The following SLC38A8 variants were observed in gnomAD, a reference collection of about 807,000 sequenced individuals.
SLC38A8 encodes the protein amino acid transporter SLC38A8.
A neutral mutation model predicts 46.0 loss-of-function variants in SLC38A8; 65 were observed. The observed-to-expected ratio is 1.41, with a 90% CI of 1.16 to 1.74. SLC38A8 has a LOEUF of 1.74. Among genes scored for constraint, SLC38A8 ranks in the 40% most tolerant of loss-of-function variants. SLC38A8 has a pLI of 0.00. For missense variants in SLC38A8, 998 were observed against 567.9 expected (o/e 1.76, Z -7.70); for synonymous variants, 447 against 243.7 (o/e 1.83, Z -7.77).
At chr16:84,028,494 G>C (rs527255360) in intron 6 of SLC38A8, among the ~76,000 whole-genome samples, 145 of 151,718 alleles carry the variant, frequency 9.6e-4, no homozygotes, top group African/African-American at 3.2e-3. Flanking sequence ...CTTGAACCCA[G>C]GAGGTGCAGT....
chr16:84,028,951 C>A (rs576204581), intron 6 of SLC38A8, among the ~76,000 whole-genome samples: 13 of 152,262 alleles, frequency 8.5e-5, no homozygotes, highest in Non-Finnish European at 1.8e-4. Context: ...GCCCCGTCCT[C>A]CCTCCCATGA....
At position 84,033,348 on chromosome 16, in the gene SLC38A8, G is replaced by A. The variant is rs142587413; in HGVS notation, c.510C>T (p.Ile170=). 20 of 1,613,928 alleles carry A rather than the reference G, an allele frequency of 1.2e-5. No homozygotes were observed. The highest frequency in any genetic ancestry group is 2.7e-5 in the African/African-American group (2 of 74,888). The change falls in exon 4 of 11, where the codon ATC becomes ATT. Residue 170 remains isoleucine, a synonymous_variant. Transcript: ENST00000299709. ...CTTACCTTGTGTATTTCTGGAAGGC[G>A]ATCTCCCGCGGGGCAGACAGGGGCA... The part of the protein sequence containing the change: ...VILPLSAPRE[I]AFQKYTSILG...
rs1159473380 is a variant in SLC38A8, at chr16:84,016,622, C to T, written c.1059G>A (p.Leu353=). The part of the protein sequence containing the change: ...GLWVRMPLTI[L]WVTVTLAMAL... Reference sequence around the variant, plus strand: ...CCATGGCGAGCGTCACGGTGACCCACAGGATGGTCAGCGGCATCCGGACCC... The same window carrying T: ...CCATGGCGAGCGTCACGGTGACCCATAGGATGGTCAGCGGCATCCGGACCC... Residue 353 remains leucine, a synonymous_variant, in exon 9 of 11, where the codon CTG becomes CTA. Transcript: ENST00000299709. 9.9e-6 allele frequency: 16 copies of T among 1,613,964 alleles called. No individual in the cohort carries two copies. Among genetic ancestry groups the T allele is most frequent in the Non-Finnish European group, 1.4e-5 (16 of 1,180,038 alleles).
At chr16:84,017,343 C>T (rs1567692135) in intron 7 of SLC38A8, 56 bp from the exon 8 acceptor site, 1 of 1,590,180 alleles carries the variant, frequency 6.3e-7, no homozygotes, top group East Asian at 2.2e-5. Flanking sequence ...GCTGCCCCCT[C>T]CCCCACCAAC....
chr16:84,042,261 G>A, intron 1 of SLC38A8, 102 bp from the exon 2 acceptor site: 1 of 1,305,322 alleles, frequency 7.7e-7, no homozygotes, highest in Non-Finnish European at 1.0e-6. Flanking sequence ...AGAGCTCCCT[G>A]AGCCGCTCCT....
In SLC38A8 at chr16:84,042,019, A is replaced by G. The variant is rs1182292615; in HGVS notation, c.139T>C (p.Trp47Arg). 6 of 1,613,178 alleles carry G rather than the reference A, an allele frequency of 3.7e-6. No individual in the cohort carries two copies. Among genetic ancestry groups the G allele is most frequent in the Non-Finnish European group, 4.2e-6 (5 of 1,179,646 alleles). Reference sequence around the variant, plus strand: ...ACTCCGCCCGCTTTGGAGAAGGCCCAGGGGAAGTTGAGCAGGCCAGCTCCC... The same window carrying G: ...ACTCCGCCCGCTTTGGAGAAGGCCCGGGGGAAGTTGAGCAGGCCAGCTCCC... ...ALGAGLLNFPWAFSKAGGVVP... is the reference protein window; with the variant it reads ...ALGAGLLNFPRAFSKAGGVVP... Residue 47 changes from tryptophan (W) to arginine (R), a missense_variant, in exon 2 of 11, where the codon TGG (tryptophan) becomes CGG (arginine). Transcript: ENST00000299709.
In SLC38A8 at chr16:84,036,766, G is replaced by C. The variant is rs2085304190; in HGVS notation, c.324C>G (p.Phe108Leu). ...PAIGKLCEACFLLNLLMISVA... is the reference protein window; with the variant it reads ...PAIGKLCEACLLLNLLMISVA... ...CGGAGATCATGAGCAGGTTGAGGAG[G>C]AAGCAGGCCTCACACAGCTTCCCAA... is the stretch of plus-strand genomic sequence containing the variant. The change falls in exon 3 of 11, where the codon TTC (phenylalanine) becomes TTG (leucine). Residue 108 changes from phenylalanine (F) to leucine (L), a missense_variant. Phe to Leu is a conservative substitution (Grantham distance 22, BLOSUM62 0). Transcript: ENST00000299709. 1.2e-6 allele frequency: 2 copies of C among 1,614,224 alleles called. No homozygotes were observed. The highest frequency in any genetic ancestry group is 1.7e-6 in the Non-Finnish European group (2 of 1,180,048).
Position 84,015,654 on chromosome 16 carries a change from G to A in SLC38A8, c.1162+865C>T, listed in dbSNP as rs562873421. Among the ~76,000 whole-genome samples the A allele has an allele frequency of 3.9e-4, 60 of 152,202 alleles. 1 individual carries two copies. The South Asian group carries it at 0.011, about 28-fold the overall frequency. On this transcript the variant is annotated intron_variant, in intron 9 of 10. Coordinates refer to ENST00000299709, the MANE Select transcript of SLC38A8 (RefSeq NM_001080442.3). ...CCTACGTCAAGAATGTCCATCAGGA[G>A]CTGTATTAGTCTGCTCTCATGCTGC...
At chr16:84,015,729 G>A (rs948479615) in intron 9 of SLC38A8, among the ~76,000 whole-genome samples, 4 of 152,138 alleles carry the variant, frequency 2.6e-5, no homozygotes, top group African/African-American at 9.7e-5. Context: ...GTTTGAGATG[G>A]AGTTTCACTC....
intron 2 of SLC38A8, chr16:84,040,964 C>T (rs953580121): frequency 6.6e-6 from 1 of 152,284 alleles, no homozygotes. Flanking sequence ...CACTAGTTTC[C>T]AAACAGACCC....
chr16:84,043,185 T>TA (rs1205732006), upstream of SLC38A8, among the ~76,000 whole-genome samples: 1 of 152,140 alleles, frequency 6.6e-6, no homozygotes, highest in East Asian at 1.9e-4. Context: ...AGACGGGGCT[T>TA]GTTGAACGCT....
At chr16:84,026,832 C>T (rs1409304419) in intron 6 of SLC38A8, among the ~76,000 whole-genome samples, 2 of 152,136 alleles carry the variant, frequency 1.3e-5, no homozygotes, top group Non-Finnish European at 2.9e-5. Context: ...AGGTGGCCAT[C>T]GTAGGCAAAT....
chr16:84,022,780 A>G lies in SLC38A8; in HGVS notation c.800T>C (p.Leu267Pro). The change falls in exon 7 of 11, where the codon CTG (leucine) becomes CCG (proline). Residue 267 changes from leucine (L) to proline (P), a missense_variant. Physicochemically the swap from Leu to Pro is moderately conservative, Grantham distance 98. Coordinates refer to ENST00000299709, the MANE Select transcript of SLC38A8 (RefSeq NM_001080442.3). ...SLLACCLIYS[L>P]TGVYGFLTFG... The stretch of plus-strand genomic sequence containing the variant: ...GTGCCTGGGAAGGGCCTTACCCGTC[A>G]GTGAATAGATGAGGCAGCAGGCCAG... The G allele has an allele frequency of 6.2e-7, 1 of 1,614,002 alleles. No homozygotes were observed. Among genetic ancestry groups the G allele is most frequent in the South Asian group, 1.1e-5 (1 of 91,080 alleles).
At chr16:84,023,629 C>T (rs1020742588) in intron 6 of SLC38A8, among the ~76,000 whole-genome samples, 6 of 152,336 alleles carry the variant, frequency 3.9e-5, no homozygotes, top group East Asian at 1.9e-4. Context: ...CACGCTGGCT[C>T]GCACCTGTCA....
intron 7 of SLC38A8, among the ~76,000 whole-genome samples, chr16:84,020,586 G>C (rs1325902988): frequency 6.6e-6 from 1 of 152,226 alleles, no homozygotes; most frequent in African/African-American, 2.4e-5. Context: ...GCACGAGCCA[G>C]ATCAGGGGCC....
At chr16:84,031,445 G>A (rs184103766) in intron 5 of SLC38A8, among the ~76,000 whole-genome samples, 1 of 152,170 alleles carries the variant, frequency 6.6e-6, no homozygotes, top group South Asian at 2.1e-4. Context: ...CCTCGCCGTG[G>A]CTCTGAATCC....
rs148482294 is a variant in SLC38A8 at position 84,035,153 on chromosome 16, G to T, written c.388+1549C>A. On this transcript the variant is annotated intron_variant, in intron 3 of 10. Coordinates refer to ENST00000299709, the MANE Select transcript of SLC38A8 (RefSeq NM_001080442.3). Reference sequence around the variant, plus strand: ...GACTAGTCAGGGGGCTCCGCTCCCAGTGAGGCTCAGAATCCTTCTTAACAC... The same window carrying T: ...GACTAGTCAGGGGGCTCCGCTCCCATTGAGGCTCAGAATCCTTCTTAACAC... Among the ~76,000 whole-genome samples, 79 of 152,338 alleles carry T rather than the reference G, an allele frequency of 5.2e-4. 1 individual carries two copies. Among genetic ancestry groups the T allele is most frequent in the African/African-American group, 1.8e-3 (75 of 41,570 alleles).
rs182952288 is a variant in SLC38A8, at chr16:84,021,361, G to A, written c.805+1414C>T. 9.4e-4 allele frequency among the ~76,000 whole-genome samples: 143 copies of A among 152,254 alleles called. No individual in the cohort carries two copies. The East Asian group carries it at 0.017, about 18-fold the overall frequency. On this transcript the variant is annotated intron_variant, in intron 7 of 10. Coordinates refer to ENST00000299709, the MANE Select transcript of SLC38A8 (RefSeq NM_001080442.3). ...ATGACAGGAGTGAGCCACGGCACCC[G>A]GCCAGTTCATCCCTTTCAAGTTCAG...
chr16:84,036,840 C>A lies in SLC38A8; in HGVS notation c.250G>T (p.Gly84Cys). 3 of 1,613,870 alleles carry A rather than the reference C, an allele frequency of 1.9e-6. No homozygotes were observed. Among genetic ancestry groups the A allele is most frequent in the Non-Finnish European group, 2.5e-6 (3 of 1,180,004 alleles). Residue 84 changes from glycine to cysteine, a missense_variant, in exon 3 of 11, where the codon GGC (glycine) becomes TGC (cysteine). Coordinates refer to ENST00000299709, the MANE Select transcript of SLC38A8 (RefSeq NM_001080442.3). ...ACCACACCCTGGTAGGTGGCCTGGCCACTGACAGCAGCAGCATAGCCCAGG... is the reference window on the plus strand; with the variant it reads ...ACCACACCCTGGTAGGTGGCCTGGCAACTGACAGCAGCAGCATAGCCCAGG... Reference protein sequence around the residue: ...VILGYAAAVSGQATYQGVVRG... With the variant: ...VILGYAAAVSCQATYQGVVRG...
Sources: gnomAD v4.1 joint callset for allele counts (sites outside exome capture counted in the v4.1 genomes callset) on GRCh38, gnomAD v4.1.1 for gene constraint, MANE v1.5 for transcripts, NCBI Gene and HGNC (gene_info 2026-07-23, HGNC 2026-07-21) for gene names.